The following NXN variants were observed in gnomAD, a reference collection of about 807,000 sequenced individuals.
The protein encoded by NXN is nucleoredoxin 1.
A neutral mutation model predicts 48.6 loss-of-function variants in NXN; 16 were observed. That is an observed-to-expected ratio of 0.33 (90% CI 0.22 to 0.50). The LOEUF (loss-of-function observed/expected upper bound fraction) is 0.50, where lower values mean the gene tolerates loss of function less well. Ranked by LOEUF, NXN falls within the 20% of genes least tolerant of loss-of-function variation. NXN has a pLI of 0.98. For missense variants in NXN, 492 were observed against 605.5 expected, an observed-to-expected ratio of 0.81 and a Z score of 1.97; for synonymous variants, 281 against 269.6, an observed-to-expected ratio of 1.04 and a Z score of -0.41.
intron 1 of NXN, among the ~76,000 whole-genome samples, chr17:841,304 C>T (rs1017220782): frequency 3.3e-5 from 5 of 152,232 alleles, no homozygotes; most frequent in Non-Finnish European, 5.9e-5. Flanking sequence ...AGAGGCAGCA[C>T]TGGACTAGAT....
intron 1 of NXN, among the ~76,000 whole-genome samples, chr17:911,403 G>C (rs1281274599): frequency 4.1e-5 from 6 of 146,034 alleles, no homozygotes; most frequent in African/African-American, 1.5e-4. Context: ...GCAGTGGCGC[G>C]ATCTCGGCTT....
intron 1 of NXN, among the ~76,000 whole-genome samples, chr17:914,118 T>A (rs906455161): frequency 1.3e-5 from 2 of 152,074 alleles, no homozygotes; most frequent in Non-Finnish European, 2.9e-5. Flanking sequence ...CAGGCTGCTC[T>A]CGAACTCCCA....
At chr17:859,988 G>A (rs2144775868) in intron 1 of NXN, among the ~76,000 whole-genome samples, 1 of 152,270 alleles carries the variant, frequency 6.6e-6, no homozygotes, top group African/African-American at 2.4e-5. Flanking sequence ...AGGGCAGAGA[G>A]GTGTGGGTTA....
At position 815,182 on chromosome 17, in the gene NXN, T is replaced by C. The variant is rs999760602; in HGVS notation, c.820+4257A>G. ...AACAAAAGCCTGCCACCCGGTAGGT[T>C]TTGAAGGCGATGAGGCACTCACAGT... On this transcript the variant is annotated intron_variant, in intron 5 of 7. Transcript: ENST00000336868. Among the ~76,000 whole-genome samples, 16 of 152,356 alleles carry C rather than the reference T, an allele frequency of 1.1e-4. No individual in the cohort carries two copies. In the East Asian group the frequency reaches 2.9e-3, roughly 28 times the overall value.
intron 1 of NXN, chr17:959,149 GC>G: frequency 1.8e-6 from 1 of 552,702 alleles, no homozygotes; most frequent in Non-Finnish European, 2.8e-6. Flanking sequence ...AGAGCCGAGC[GC>G]CCCTACGGAA....
rs117148088 is a variant in NXN, at chr17:920,463, G to A, written c.360+58856C>T. Among the ~76,000 whole-genome samples the A allele has an allele frequency of 1.3e-4, 20 of 151,926 alleles. No individual in the cohort carries two copies. The highest frequency in any genetic ancestry group is 3.9e-4 in the East Asian group (2 of 5,156). On this transcript the variant is annotated intron_variant, in intron 1 of 7. Transcript: ENST00000336868. This position sits in a 1 kb window ranked among gnomAD's most constrained non-coding sequence, Gnocchi z 4.6. ...CCTGCCTGATCCCAATTCCTCCAGC[G>A]TTCTCCTCCCAGGGTTCCGCTCCCT... is the stretch of plus-strand genomic sequence containing the variant.
At chr17:963,700 G>A (rs2069266500) in intron 1 of NXN, among the ~76,000 whole-genome samples, 1 of 152,110 alleles carries the variant, frequency 6.6e-6, no homozygotes, top group African/African-American at 2.4e-5. Context: ...TGCAGTATAT[G>A]CCTATTCTTT....
At chr17:841,689 G>GCGCATCT (rs1448689017) in intron 1 of NXN, among the ~76,000 whole-genome samples, 30 of 136,204 alleles carry the variant, frequency 2.2e-4, no homozygotes, top group Non-Finnish European at 3.8e-4. Context: ...CCTGACCATG[G>GCGCATCT]CACATCTCAC....
At chr17:813,025 G>A (rs539595823) in intron 5 of NXN, among the ~76,000 whole-genome samples, 14 of 151,908 alleles carry the variant, frequency 9.2e-5, no homozygotes, top group South Asian at 6.2e-4. Flanking sequence ...TTGTGTGCAC[G>A]CGTGTGTGAA....
intron 5 of NXN, among the ~76,000 whole-genome samples, chr17:811,639 G>A (rs985639031): frequency 9.9e-5 from 15 of 152,136 alleles, no homozygotes; most frequent in Non-Finnish European, 1.5e-5. Context: ...CTCAGCCCAG[G>A]GCACCGAAGG....
chr17:833,005 C>G (rs575865977), intron 1 of NXN, among the ~76,000 whole-genome samples: 2 of 152,232 alleles, frequency 1.3e-5, no homozygotes, highest in African/African-American at 4.8e-5. Context: ...ATTCTCCTGC[C>G]TCAGCCTCCC....
intron 7 of NXN, among the ~76,000 whole-genome samples, chr17:801,968 C>G (rs541530241): frequency 1.3e-5 from 2 of 152,238 alleles, no homozygotes; most frequent in Non-Finnish European, 2.9e-5. Context: ...TGGAAGCTTA[C>G]GCTGCCTCAC....
chr17:896,932 T>TC, intron 1 of NXN: 3 of 1,251,472 alleles, frequency 2.4e-6, no homozygotes, highest in Non-Finnish European at 3.1e-6. Context: ...CTTCTTTTTT[T>TC]CCCAAGCCAG....
At chr17:817,076 C>T (rs929736364) in intron 5 of NXN, among the ~76,000 whole-genome samples, 1 of 152,118 alleles carries the variant, frequency 6.6e-6, no homozygotes, top group African/African-American at 2.4e-5. Context: ...CAGGAGGCAG[C>T]AGCACCCCCC....
At chr17:841,318 G>A (rs1331735890) in intron 1 of NXN, among the ~76,000 whole-genome samples, 1 of 152,224 alleles carries the variant, frequency 6.6e-6, no homozygotes, top group African/African-American at 2.4e-5. Context: ...ACTAGATGGT[G>A]ATGAGACCAT....
chr17:808,262 G>A lies in NXN; in HGVS notation c.821-3015C>T, dbSNP rs553574527. 1.7e-4 allele frequency among the ~76,000 whole-genome samples: 25 copies of A among 150,434 alleles called. 2 individuals carry two copies. In the South Asian group the frequency reaches 4.2e-3, roughly 25 times the overall value. On this transcript the variant is annotated intron_variant, in intron 5 of 7. Transcript: ENST00000336868. ...TTTCCCTTTCTCCCCCTTCACACAC[G>A]CCCTGTTCCCCCAGCCCTTGAAGCA...
At chr17:854,004 G>C (rs577474279) in intron 1 of NXN, among the ~76,000 whole-genome samples, 1 of 152,020 alleles carries the variant, frequency 6.6e-6, no homozygotes, top group Admixed American at 6.6e-5. Context: ...ACAGGCGTGA[G>C]CCACTGCGCC....
Position 979,428 on chromosome 17 carries a change from C to T in NXN, c.251G>A (p.Arg84Gln). 6.0e-6 allele frequency: 8 copies of T among 1,328,894 alleles called. No homozygotes were observed. The highest frequency in any genetic ancestry group is 7.8e-6 in the Non-Finnish European group (8 of 1,025,960). The allele number at this position is 1,328,894 out of a possible 1,614,324, so 82.3% of individuals were successfully genotyped here. A position where few individuals can be genotyped will look rare whatever the true frequency, so the allele number is the denominator to read the frequency against. Residue 84 changes from arginine to glutamine, a missense_variant, in exon 1 of 8, where the codon CGG becomes CAG. Arg to Gln is a conservative substitution (Grantham distance 43, BLOSUM62 1). Around this residue, in one of 3 missense-constraint regions of NXN, gnomAD observed 186 missense variants for 199.1 expected, o/e 0.93. Coordinates refer to ENST00000336868, the MANE Select transcript of NXN (RefSeq NM_022463.5). ...GGACACGAAGACGATCTCCAGGCGCCGCCGCGGCTCGGGCTCCGCCGCCGC... is the reference window on the plus strand; with the variant it reads ...GGACACGAAGACGATCTCCAGGCGCTGCCGCGGCTCGGGCTCCGCCGCCGC... The part of the protein sequence containing the change: ...AGAAAEPEPR[R>Q]RLEIVFVSSD...
At chr17:951,174 TTAAAAAAA>T (rs561078614) in intron 1 of NXN, among the ~76,000 whole-genome samples, 20,360 of 67,038 alleles carry the variant, frequency 0.3, 2,878 homozygotes, top group Middle Eastern at 0.43. Context: ...CTGTCTCTAC[TTAAAAAAA>T]AAAAAAAAAA....
Sources: allele counts gnomAD v4.1 joint callset (sites outside exome capture counted in the v4.1 genomes callset), GRCh38; gene constraint gnomAD v4.1.1; regional missense constraint gnomAD v4.1.1; non-coding constraint Gnocchi (gnomAD v3.1); transcripts MANE v1.5; gene names NCBI Gene and HGNC (gene_info 2026-07-23, HGNC 2026-07-21).